The following HHIP variants were observed in gnomAD, a reference collection of about 807,000 sequenced individuals.
HHIP encodes the protein hedgehog interacting protein.
HHIP carries 12 observed loss-of-function variants against 74.0 expected under a neutral mutation model. The ratio of observed to expected loss-of-function variants is 0.16; its 90% CI spans 0.10 to 0.26. HHIP has a LOEUF of 0.26. HHIP is among the 10% of genes least tolerant of loss of function. The pLI is 1.00. For missense variants in HHIP, 788 were observed against 845.0 expected (o/e 0.93, Z 0.84); for synonymous variants, 309 against 311.6 (o/e 0.99, Z 0.09).
intron 7 of HHIP, among the ~76,000 whole-genome samples, chr4:144,708,947 A>C (rs1291336660): frequency 6.6e-6 from 1 of 152,204 alleles, no homozygotes; most frequent in African/African-American, 2.4e-5. Context: ...CCATGAACCA[A>C]AACAAAGGAA....
chr4:144,737,516 T>C (rs1167169889), intron 12 of HHIP, among the ~76,000 whole-genome samples: 1 of 152,224 alleles, frequency 6.6e-6, no homozygotes, highest in Non-Finnish European at 1.5e-5. Context: ...AGGGTTGCAA[T>C]TGTTTCTCAT....
chr4:144,709,553 G>A (rs1730232673), intron 7 of HHIP, among the ~76,000 whole-genome samples: 1 of 152,186 alleles, frequency 6.6e-6, no homozygotes, highest in Non-Finnish European at 1.5e-5. Flanking sequence ...TGAAGGAAAA[G>A]TTGGTGTTTA....
intron 4 of HHIP, among the ~76,000 whole-genome samples, chr4:144,685,081 T>C (rs2126627103): frequency 6.6e-6 from 1 of 152,350 alleles, no homozygotes; most frequent in Non-Finnish European, 1.5e-5. Context: ...CCCGTCCATG[T>C]GGGCCATAAG....
chr4:144,652,238 A>G (rs577850741), intron 1 of HHIP, among the ~76,000 whole-genome samples: 1 of 152,218 alleles, frequency 6.6e-6, no homozygotes, highest in Admixed American at 6.5e-5. Context: ...CGATTGGACA[A>G]AGGTTGGAAT....
intron 4 of HHIP, among the ~76,000 whole-genome samples, chr4:144,671,519 G>A (rs1447874311): frequency 6.6e-6 from 1 of 152,166 alleles, no homozygotes; most frequent in Non-Finnish European, 1.5e-5. Flanking sequence ...CAGAGCCTTT[G>A]ATCTCTAATG....
chr4:144,660,259 T>C (rs916858571), intron 4 of HHIP: 16 of 211,744 alleles, frequency 7.6e-5, no homozygotes, highest in South Asian at 3.6e-4. Flanking sequence ...TCATAAAAAA[T>C]ACTACTTATA....
At chr4:144,724,724 A>G (rs1268385561) in intron 11 of HHIP, among the ~76,000 whole-genome samples, 1 of 147,628 alleles carries the variant, frequency 6.8e-6, no homozygotes, top group Non-Finnish European at 1.5e-5. Context: ...GTATGCATAT[A>G]TATATATATA....
chr4:144,664,753 C>T (rs1002236761), intron 4 of HHIP, among the ~76,000 whole-genome samples: 1 of 152,074 alleles, frequency 6.6e-6, no homozygotes, highest in Non-Finnish European at 1.5e-5. Context: ...AGAAAGAAAG[C>T]AACAGATTAT....
At chr4:144,707,905 G>A (rs1028483564) in intron 6 of HHIP, among the ~76,000 whole-genome samples, 4 of 151,988 alleles carry the variant, frequency 2.6e-5, no homozygotes, top group African/African-American at 9.7e-5. Context: ...CACCACATCT[G>A]GCTCATTTTA....
At chr4:144,706,029 C>T (rs1730122946) in intron 4 of HHIP, among the ~76,000 whole-genome samples, 1 of 152,194 alleles carries the variant, frequency 6.6e-6, no homozygotes, top group Non-Finnish European at 1.5e-5. Flanking sequence ...TAGATGCCTC[C>T]AGGGTAAAGC....
chr4:144,650,800 A>T (rs1216219135), intron 1 of HHIP: 1 of 152,144 alleles, frequency 6.6e-6, no homozygotes, highest in Non-Finnish European at 1.5e-5. Context: ...TTGATGAGAG[A>T]TCTGTGACCA....
At chr4:144,683,495 T>C (rs530738894) in intron 4 of HHIP, among the ~76,000 whole-genome samples, 4 of 152,326 alleles carry the variant, frequency 2.6e-5, no homozygotes, top group East Asian at 1.9e-4. Context: ...TTTAAGATAA[T>C]AGTCAAATAA....
intron 1 of HHIP, among the ~76,000 whole-genome samples, chr4:144,652,004 C>T (rs1450544484): frequency 6.6e-6 from 1 of 151,922 alleles, no homozygotes; most frequent in Non-Finnish European, 1.5e-5. Context: ...GGTTTTAAAC[C>T]TGTTTGATTT....
chr4:144,673,953 T>C (rs1729110004), intron 4 of HHIP, among the ~76,000 whole-genome samples: 1 of 152,190 alleles, frequency 6.6e-6, no homozygotes, highest in South Asian at 2.1e-4. Flanking sequence ...TGGTTGTGGA[T>C]AGAGTAAATT....
chr4:144,738,179 T>C lies in HHIP; in HGVS notation c.*222T>C. On this transcript the variant is annotated 3_prime_UTR_variant, in exon 13 of 13. Transcript: ENST00000296575. Reference sequence around the variant, plus strand: ...CATAACCCCTATATGCGTTGTTGCATAACAGATGATTTTTTAAAATATATA... The same window carrying C: ...CATAACCCCTATATGCGTTGTTGCACAACAGATGATTTTTTAAAATATATA... 1 of 1,139,324 alleles carries C rather than the reference T, an allele frequency of 8.8e-7. No individual in the cohort carries two copies. The highest frequency in any genetic ancestry group is 1.1e-6 in the Non-Finnish European group (1 of 929,308). 70.6% of individuals were successfully genotyped at this position (1,139,324 alleles called of 1,614,324 possible). A position where few individuals can be genotyped will look rare whatever the true frequency, so the allele number is the denominator to read the frequency against.
At chr4:144,672,911 A>G (rs1286331810) in intron 4 of HHIP, among the ~76,000 whole-genome samples, 2 of 152,162 alleles carry the variant, frequency 1.3e-5, no homozygotes, top group Non-Finnish European at 2.9e-5. Context: ...CATATTGGCC[A>G]GGCTGGAACT....
chr4:144,646,384 C>A lies in HHIP; in HGVS notation c.-292C>A. ...CCTTCTCCTCCTCCCACTTCCCAGC[C>A]GCAGCAGAAAGCCCCCAACCCAACT... On this transcript the variant is annotated 5_prime_UTR_variant, in exon 1 of 13. Transcript: ENST00000296575. 1 of 331,754 alleles carries A rather than the reference C, an allele frequency of 3.0e-6. No individual in the cohort carries two copies. 20.6% of individuals were successfully genotyped at this position (331,754 alleles called of 1,614,324 possible). A position where few individuals can be genotyped will look rare whatever the true frequency, so the allele number is the denominator to read the frequency against.
At chr4:144,712,221 C>T in intron 8 of HHIP, 150 bp downstream of exon 8, 1 of 646,638 alleles carries the variant, frequency 1.5e-6, no homozygotes, top group Non-Finnish European at 2.6e-6. Flanking sequence ...AAATTGCTCA[C>T]TTTTTAAAGC....
chr4:144,655,157 T>C (rs1485388088), intron 2 of HHIP: 1 of 152,206 alleles, frequency 6.6e-6, no homozygotes, highest in Non-Finnish European at 1.5e-5. Flanking sequence ...GAAATAGTCA[T>C]AGTCTGCTTA....
Sources: gnomAD v4.1 joint callset for allele counts (sites outside exome capture counted in the v4.1 genomes callset) on GRCh38, gnomAD v4.1.1 for gene constraint, MANE v1.5 for transcripts, NCBI Gene and HGNC (gene_info 2026-07-23, HGNC 2026-07-21) for gene names.